Variants in CCDC85A observed in about 807,000 individuals in gnomAD.
The protein encoded by CCDC85A is coiled-coil domain-containing protein 85A.
In CCDC85A, 38 loss-of-function variants were observed where a neutral mutation model predicts 50.2. That is an observed-to-expected ratio of 0.76 (90% confidence interval 0.58 to 0.99). CCDC85A has a LOEUF of 0.99. Among genes scored for constraint, CCDC85A ranks in the 50% least tolerant of loss-of-function variants. The pLI, the probability that CCDC85A is intolerant of heterozygous loss-of-function variation, is 0.00. For missense variants in CCDC85A, 820 were observed against 742.0 expected, an observed-to-expected ratio of 1.11 and a Z score of -1.22; for synonymous variants, 366 against 301.4, an observed-to-expected ratio of 1.21 and a Z score of -2.22.
At chr2:56,310,302 C>T (rs1434749067) in intron 2 of CCDC85A, among the ~76,000 whole-genome samples, 2 of 152,104 alleles carry the variant, frequency 1.3e-5, no homozygotes, top group African/African-American at 4.8e-5. Context: ...ATACAGGACA[C>T]AGTTTTTGAC....
rs150080923 is a variant in CCDC85A at position 56,263,453 on chromosome 2, G to A, written c.1240+70013G>A. Among the ~76,000 whole-genome samples the A allele has an allele frequency of 3.2e-3, 492 of 152,298 alleles. 4 individuals are homozygous for A. The highest frequency in any genetic ancestry group is 0.011 in the African/African-American group (471 of 41,552). On this transcript the variant is annotated intron_variant, in intron 2 of 5. Coordinates refer to ENST00000407595, the MANE Select transcript of CCDC85A (RefSeq NM_001080433.2). The stretch of plus-strand genomic sequence containing the variant: ...ACAGAGCCTCAAACTTCCAGAGTGA[G>A]TTTCCATTCCATGCCCCTTCTCTGC...
chr2:56,328,288 C>G (rs1403452607), intron 2 of CCDC85A, among the ~76,000 whole-genome samples: 1 of 152,054 alleles, frequency 6.6e-6, no homozygotes, highest in East Asian at 1.9e-4. Context: ...CGCTGAAATG[C>G]ACCCAAGAGG....
At chr2:56,376,790 C>T (rs781461270) in intron 5 of CCDC85A, among the ~76,000 whole-genome samples, 4 of 152,152 alleles carry the variant, frequency 2.6e-5, no homozygotes. Flanking sequence ...TAACATGTAG[C>T]TTTGATCAAA....
At chr2:56,348,680 AAC>A (rs1488137776) in intron 3 of CCDC85A, among the ~76,000 whole-genome samples, 4 of 152,126 alleles carry the variant, frequency 2.6e-5, no homozygotes, top group Non-Finnish European at 5.9e-5. Context: ...CTTCCATGGC[AAC>A]ACAGTGCAGG....
intron 3 of CCDC85A, among the ~76,000 whole-genome samples, chr2:56,350,280 G>T (rs528554772): frequency 6.6e-6 from 1 of 151,454 alleles, no homozygotes; most frequent in South Asian, 2.1e-4. Context: ...CAATTCTCCT[G>T]CCTCAGCCTC....
chr2:56,359,482 A>C (rs1377288686), intron 3 of CCDC85A, among the ~76,000 whole-genome samples: 1 of 152,158 alleles, frequency 6.6e-6, no homozygotes, highest in Non-Finnish European at 1.5e-5. Context: ...TTTCCTGGCG[A>C]TCTCTTCCAT....
chr2:56,311,362 C>G (rs1453015698), intron 2 of CCDC85A, among the ~76,000 whole-genome samples: 1 of 152,072 alleles, frequency 6.6e-6, no homozygotes, highest in Non-Finnish European at 1.5e-5. Context: ...AATGCTCAAA[C>G]ATAGGATTTT....
chr2:56,206,035 G>A (rs1676944727), intron 2 of CCDC85A, among the ~76,000 whole-genome samples: 1 of 152,182 alleles, frequency 6.6e-6, no homozygotes. Flanking sequence ...GAGAGAAAGT[G>A]TAGAGGTGGA....
intron 2 of CCDC85A, among the ~76,000 whole-genome samples, chr2:56,219,508 A>C (rs1397773699): frequency 6.6e-6 from 1 of 151,654 alleles, no homozygotes. Context: ...ACTGCTTGTA[A>C]AGTTTCCTAC....
rs144324573 is a variant in CCDC85A at position 56,252,337 on chromosome 2, C to T, written c.1240+58897C>T. ...CTGGGATTATAGGCGTGAGCCACTG[C>T]GCCTGACCTCATCAACTATTTTTTA... On this transcript the variant is annotated intron_variant, in intron 2 of 5. Coordinates refer to ENST00000407595, the MANE Select transcript of CCDC85A (RefSeq NM_001080433.2). Among the ~76,000 whole-genome samples the T allele has an allele frequency of 3.8e-3, 575 of 152,218 alleles. 2 individuals carry two copies. The highest frequency in any genetic ancestry group is 0.013 in the African/African-American group (553 of 41,532).
chr2:56,218,266 T>G (rs1311370877), intron 2 of CCDC85A, among the ~76,000 whole-genome samples: 1 of 151,884 alleles, frequency 6.6e-6, no homozygotes, highest in Non-Finnish European at 1.5e-5. Context: ...CTCCAATATT[T>G]TAAAGCAGAA....
At chr2:56,277,771 G>A (rs2104090968) in intron 2 of CCDC85A, among the ~76,000 whole-genome samples, 1 of 152,322 alleles carries the variant, frequency 6.6e-6, no homozygotes. Flanking sequence ...CTAAGGAGCT[G>A]CCCCTTAATG....
At chr2:56,289,623 G>A (rs907530143) in intron 2 of CCDC85A, among the ~76,000 whole-genome samples, 3 of 151,934 alleles carry the variant, frequency 2.0e-5, no homozygotes, top group Non-Finnish European at 2.9e-5. Flanking sequence ...GAGGTGAGGC[G>A]GAGATGTAGG....
At chr2:56,299,245 G>A (rs1250344551) in intron 2 of CCDC85A, among the ~76,000 whole-genome samples, 1 of 152,160 alleles carries the variant, frequency 6.6e-6, no homozygotes, top group Non-Finnish European at 1.5e-5. Flanking sequence ...GATAACTGCA[G>A]CAATATTCTT....
rs1292973867 is a variant in CCDC85A at position 56,267,329 on chromosome 2, C to CT, written c.1240+73897dup. Among the ~76,000 whole-genome samples the CT allele has an allele frequency of 4.7e-4, 71 of 151,622 alleles. 1 individual carries two copies. In the South Asian group the frequency reaches 0.014, roughly 29 times the overall value. ...ACAACCAGTACTGCTATTTCTGATC[C>CT]TTTTTTTTCCCAACACGACTAGGAT... On this transcript the variant is annotated intron_variant, in intron 2 of 5. Coordinates refer to ENST00000407595, the MANE Select transcript of CCDC85A (RefSeq NM_001080433.2).
At chr2:56,365,196 C>T (rs1007758220) in intron 3 of CCDC85A, among the ~76,000 whole-genome samples, 7 of 152,310 alleles carry the variant, frequency 4.6e-5, no homozygotes, top group Non-Finnish European at 7.3e-5. Flanking sequence ...CTGCTTACTA[C>T]GTCCACTGTG....
intron 2 of CCDC85A, among the ~76,000 whole-genome samples, chr2:56,284,565 G>A (rs1263132660): frequency 1.3e-5 from 2 of 152,086 alleles, no homozygotes; most frequent in Non-Finnish European, 2.9e-5. Flanking sequence ...TAGAGATGGA[G>A]TTTCACCATG....
intron 2 of CCDC85A, among the ~76,000 whole-genome samples, chr2:56,302,330 G>A (rs372233877): frequency 5.9e-5 from 9 of 152,128 alleles, no homozygotes; most frequent in Non-Finnish European, 1.2e-4. Context: ...TGAAAGATTT[G>A]TTTCGCCTAG....
intron 2 of CCDC85A, among the ~76,000 whole-genome samples, chr2:56,242,664 A>C (rs1669314983): frequency 6.6e-6 from 1 of 152,130 alleles, no homozygotes; most frequent in Non-Finnish European, 1.5e-5. Flanking sequence ...ACAAATATCC[A>C]AACTATATCG....
Sources: gnomAD v4.1 joint callset for allele counts (sites outside exome capture counted in the v4.1 genomes callset) on GRCh38, gnomAD v4.1.1 for gene constraint, MANE v1.5 for transcripts, NCBI Gene and HGNC (gene_info 2026-07-23, HGNC 2026-07-21) for gene names.